The following KCNC1 variants were observed in gnomAD, a reference collection of about 807,000 sequenced individuals.
KCNC1 encodes voltage-gated potassium channel KCNC1.
A neutral mutation model predicts 43.4 loss-of-function variants in KCNC1; 8 were observed. That is an observed-to-expected ratio of 0.18 (90% CI 0.11 to 0.33). The LOEUF (loss-of-function observed/expected upper bound fraction) is 0.33, where lower values mean the gene tolerates loss of function less well. Ranked by LOEUF, KCNC1 falls within the 10% of genes least tolerant of loss-of-function variation. The pLI is 1.00. For synonymous variants in KCNC1, 361 were observed against 360.5 expected (o/e 1.00, Z -0.01); for missense variants, 420 against 836.0 (o/e 0.50, Z 6.14).
At chr11:17,762,368 A>G (rs1849087534) in intron 1 of KCNC1, among the ~76,000 whole-genome samples, 1 of 152,188 alleles carries the variant, frequency 6.6e-6, no homozygotes, top group Non-Finnish European at 1.5e-5. Context: ...GGTCCACCGG[A>G]GCTTCAAGGT....
At chr11:17,774,056 C>A (rs1161067310) in intron 2 of KCNC1, 2 of 985,412 alleles carry the variant, frequency 2.0e-6, no homozygotes, top group African/African-American at 3.5e-5. Context: ...GCTATGCTGG[C>A]CCGAGCACTA....
In KCNC1 at chr11:17,779,317, G is replaced by T. The variant is rs555621241; in HGVS notation, c.1505-139G>T. 3 of 643,174 alleles carry T rather than the reference G, an allele frequency of 4.7e-6. No individual in the cohort carries two copies. The highest frequency in any genetic ancestry group is 2.6e-5 in the South Asian group (1 of 39,030). 39.8% of individuals were successfully genotyped at this position (643,174 alleles called of 1,614,324 possible). A position where few individuals can be genotyped will look rare whatever the true frequency, so the allele number is the denominator to read the frequency against. ...AAGCCCCCTGCCTTGTGCCCTCCTC[G>T]CTCCACAGCCTGCCCGCTTTTCCGT... On this transcript the variant is annotated intron_variant, in intron 2 of 3. Coordinates refer to ENST00000265969, the MANE Select transcript of KCNC1 (RefSeq NM_001112741.2). The surrounding 1 kb of genome is among the most constrained non-coding windows in gnomAD (Gnocchi z 7.2).
intron 1 of KCNC1, among the ~76,000 whole-genome samples, chr11:17,747,189 G>A (rs181981120): frequency 6.6e-6 from 1 of 152,236 alleles, no homozygotes; most frequent in Non-Finnish European, 1.5e-5. Flanking sequence ...CGTCACCCTG[G>A]GAGGCAGGCA....
intron 2 of KCNC1, among the ~76,000 whole-genome samples, chr11:17,778,682 G>C (rs1849312836): frequency 6.6e-6 from 1 of 152,198 alleles, no homozygotes; most frequent in African/African-American, 2.4e-5. Flanking sequence ...GCAAAGAGGA[G>C]ACTGTGTGAC....
chr11:17,740,515 TTC>T (rs1848826165), intron 1 of KCNC1, among the ~76,000 whole-genome samples: 1 of 152,070 alleles, frequency 6.6e-6, no homozygotes, highest in Non-Finnish European at 1.5e-5. Flanking sequence ...CCCTCCTGTC[TTC>T]CTTGGGGGCC....
chr11:17,780,023 T>C, intron 3 of KCNC1: 1 of 170,670 alleles, frequency 5.9e-6, no homozygotes, highest in Non-Finnish European at 1.2e-5. Flanking sequence ...TCCTCTCCCC[T>C]GATTGAGGAG....
At chr11:17,740,280 G>A (rs1848823300) in intron 1 of KCNC1, among the ~76,000 whole-genome samples, 1 of 152,184 alleles carries the variant, frequency 6.6e-6, no homozygotes, top group Non-Finnish European at 1.5e-5. Context: ...TCTGGGTTGG[G>A]GGGTGGTGCC....
At chr11:17,752,263 G>A (rs573995629) in intron 1 of KCNC1, among the ~76,000 whole-genome samples, 159 of 152,268 alleles carry the variant, frequency 1.0e-3, no homozygotes, top group African/African-American at 3.7e-3. Context: ...TGAGCTCCAG[G>A]CTCCCTCCAA....
At chr11:17,770,570 G>C (rs1849213318) in intron 1 of KCNC1, among the ~76,000 whole-genome samples, 1 of 152,192 alleles carries the variant, frequency 6.6e-6, no homozygotes, top group African/African-American at 2.4e-5. Flanking sequence ...GCTTGATTCT[G>C]TCTCCTCGGT....
At chr11:17,753,247 T>C (rs10832856) in intron 1 of KCNC1, among the ~76,000 whole-genome samples, 45,223 of 152,094 alleles carry the variant, frequency 0.3, 7,085 homozygotes, top group African/African-American at 0.38. Context: ...TGCCAGTCAG[T>C]AGTCAGTGGC....
At position 17,779,398 on chromosome 11, in the gene KCNC1, C is replaced by G. The variant is rs756756438; in HGVS notation, c.1505-58C>G. 40 of 1,371,500 alleles carry G rather than the reference C, an allele frequency of 2.9e-5. No individual in the cohort carries two copies. Among genetic ancestry groups the G allele is most frequent in the Non-Finnish European group, 3.7e-5 (39 of 1,045,966 alleles). The allele number at this position is 1,371,500 out of a possible 1,614,324, so 85.0% of individuals were successfully genotyped here. A position where few individuals can be genotyped will look rare whatever the true frequency, so the allele number is the denominator to read the frequency against. Reference sequence around the variant, plus strand: ...ATACCCCGCTTCTGGCCTGTCCCCCCCTGCCCCCCACTAAACAGTTTTCAG... The same window carrying G: ...ATACCCCGCTTCTGGCCTGTCCCCCGCTGCCCCCCACTAAACAGTTTTCAG... On this transcript the variant is annotated intron_variant, in intron 2 of 3. Coordinates refer to ENST00000265969, the MANE Select transcript of KCNC1 (RefSeq NM_001112741.2). This position sits in a 1 kb window ranked among gnomAD's most constrained non-coding sequence, Gnocchi z 7.2.
In KCNC1 at chr11:17,781,468, A is replaced by T; in HGVS notation, c.1694-202A>T. ...ATGTGCAGAGCAGAAGTAGGGACTC[A>T]TCCCATTCCCCCAGGAGGGAGAGAA... On this transcript the variant is annotated intron_variant, in intron 3 of 3. Coordinates refer to ENST00000265969, the MANE Select transcript of KCNC1 (RefSeq NM_001112741.2). This position sits in a 1 kb window ranked among gnomAD's most constrained non-coding sequence, Gnocchi z 5.1. 1.7e-6 allele frequency: 1 copy of T among 572,882 alleles called. No homozygotes were observed. Among genetic ancestry groups the T allele is most frequent in the Non-Finnish European group, 3.1e-6 (1 of 322,704 alleles). 35.5% of individuals were successfully genotyped at this position (572,882 alleles called of 1,614,324 possible).
Position 17,771,448 on chromosome 11 carries a change from G to A in KCNC1, c.571-217G>A, listed in dbSNP as rs1590106260. Among the ~76,000 whole-genome samples the A allele has an allele frequency of 1.3e-5, 2 of 152,314 alleles. No homozygotes were observed. The highest frequency in any genetic ancestry group is 3.9e-4 in the East Asian group (2 of 5,184). ...CTTCCACATCTAGCTGGCAATAGGG[G>A]GAAGAAGACAGCATGGAAGGCGGAG... On this transcript the variant is annotated intron_variant, in intron 1 of 3. Coordinates refer to ENST00000265969, the MANE Select transcript of KCNC1 (RefSeq NM_001112741.2). The surrounding 1 kb of genome is among the most constrained non-coding windows in gnomAD (Gnocchi z 4.7).
chr11:17,781,461 G>A lies in KCNC1; in HGVS notation c.1694-209G>A. The A allele has an allele frequency of 1.8e-6, 1 of 566,044 alleles. No individual in the cohort carries two copies. Among genetic ancestry groups the A allele is most frequent in the South Asian group, 2.4e-5 (1 of 42,362 alleles). 35.1% of individuals were successfully genotyped at this position (566,044 alleles called of 1,614,324 possible). A position where few individuals can be genotyped will look rare whatever the true frequency, so the allele number is the denominator to read the frequency against. On this transcript the variant is annotated intron_variant, in intron 3 of 3. Transcript: ENST00000265969. This position sits in a 1 kb window ranked among gnomAD's most constrained non-coding sequence, Gnocchi z 5.1. ...TGAGTCAATGTGCAGAGCAGAAGTA[G>A]GGACTCATCCCATTCCCCCAGGAGG...
intron 3 of KCNC1, chr11:17,780,973 T>C (rs1849338908): frequency 6.6e-6 from 1 of 152,286 alleles, no homozygotes. Context: ...GATGTTCCCC[T>C]TTGCGACTGG....
intron 2 of KCNC1, chr11:17,775,618 C>T (rs991678838): frequency 1.7e-5 from 17 of 985,548 alleles, no homozygotes; most frequent in South Asian, 9.4e-5. Flanking sequence ...ATGCCCAGAC[C>T]GCCCACTCTG....
chr11:17,760,482 G>T (rs1548565), intron 1 of KCNC1, among the ~76,000 whole-genome samples: 79,637 of 151,732 alleles, frequency 0.52, 23,078 homozygotes, highest in East Asian at 0.88. Flanking sequence ...TCAGTCCACA[G>T]GAGCAGGTGC....
At position 17,772,243 on chromosome 11, in the gene KCNC1, C is replaced by A. The variant is rs555654219; in HGVS notation, c.1149C>A (p.His383Gln). ...ACCCCAGCGCCAGTGAGCACACGCA[C>A]TTTAAGAACATCCCCATCGGCTTCT... ...PNDPSASEHT[H>Q]FKNIPIGFWW... The change falls in exon 2 of 4, where the codon CAC becomes CAA. Residue 383 changes from histidine to glutamine, a missense_variant. Around this residue, in one of 5 missense-constraint regions of KCNC1, gnomAD observed 58 missense variants for 256.9 expected, o/e 0.23. Transcript: ENST00000265969. The A allele has an allele frequency of 1.9e-6, 3 of 1,614,152 alleles. No individual in the cohort carries two copies. The highest frequency in any genetic ancestry group is 8.5e-7 in the Non-Finnish European group (1 of 1,180,044).
At chr11:17,772,989 G>A in intron 2 of KCNC1, 3 of 1,084,774 alleles carry the variant, frequency 2.8e-6, no homozygotes, top group Non-Finnish European at 3.4e-6. Flanking sequence ...GGGGGCGGGT[G>A]TGATTTGGAA....
Sources: gnomAD v4.1 joint callset for allele counts (sites outside exome capture counted in the v4.1 genomes callset) on GRCh38, gnomAD v4.1.1 for gene constraint, gnomAD v4.1.1 regional missense constraint, Gnocchi (gnomAD v3.1) non-coding constraint, MANE v1.5 for transcripts, NCBI Gene and HGNC (gene_info 2026-07-23, HGNC 2026-07-21) for gene names.